The following SNX25 variants were observed in gnomAD, a reference collection of about 807,000 sequenced individuals.
SNX25 encodes the protein sorting nexin 25.
A neutral mutation model predicts 113.7 loss-of-function variants in SNX25; 62 were observed. That is an observed-to-expected ratio of 0.55 (90% CI 0.44 to 0.67). The LOEUF is 0.67. Among genes scored for constraint, SNX25 ranks in the 30% least tolerant of loss-of-function variants. The probability of loss-of-function intolerance (pLI) is 0.00; values close to 1 mark genes in which losing one functional copy is unlikely to be tolerated. For missense variants in SNX25, 1,014 were observed against 1,161.0 expected, an observed-to-expected ratio of 0.87 and a Z score of 1.84; for synonymous variants, 421 against 436.2, an observed-to-expected ratio of 0.97 and a Z score of 0.43.
intron 3 of SNX25, among the ~76,000 whole-genome samples, chr4:185,262,229 T>C (rs1283619175): frequency 3.3e-5 from 5 of 152,230 alleles, no homozygotes; most frequent in African/African-American, 1.2e-4. Flanking sequence ...CCGGTCAGCC[T>C]GTGTTTATTT....
In SNX25 at chr4:185,298,093, C is replaced by CTTTTT. The variant is rs6148841; in HGVS notation, c.1162+10020_1162+10024dup. 1.7e-4 allele frequency among the ~76,000 whole-genome samples: 24 copies of CTTTTT among 137,158 alleles called. 2 individuals carry two copies. Among genetic ancestry groups the CTTTTT allele is most frequent in the Non-Finnish European group, 2.3e-4 (15 of 64,700 alleles). 90.0% of individuals were successfully genotyped at this position (137,158 alleles called of 152,430 possible). A position where few individuals can be genotyped will look rare whatever the true frequency, so the allele number is the denominator to read the frequency against. On this transcript the variant is annotated intron_variant, in intron 6 of 18. Coordinates refer to ENST00000652585, the MANE Select transcript of SNX25 (RefSeq NM_001378034.2). ...GCCCTCTTAACTATTATAGTAACTT[C>CTTTTT]TTTTTTTTTTTTTGAGATGGAGTCT...
At chr4:185,215,004 G>T (rs575016607) in intron 1 of SNX25, among the ~76,000 whole-genome samples, 1 of 152,306 alleles carries the variant, frequency 6.6e-6, no homozygotes, top group Admixed American at 6.5e-5. Flanking sequence ...GCTGAGGCGG[G>T]TGGATCACGA....
rs1008649112 is a variant in SNX25, at chr4:185,298,482, T to TA, written c.1162+10407dup. Among the ~76,000 whole-genome samples, 9 of 152,212 alleles carry TA rather than the reference T, an allele frequency of 5.9e-5. No homozygotes were observed. In the South Asian group the frequency reaches 1.7e-3, roughly 28 times the overall value. Reference sequence around the variant, plus strand: ...CATACTGAAGTCATGTGATTTTTTTTAAAAAAATACATAGCTTATGTCACC... The same window carrying TA: ...CATACTGAAGTCATGTGATTTTTTTTAAAAAAAATACATAGCTTATGTCACC... On this transcript the variant is annotated intron_variant, in intron 6 of 18. Transcript: ENST00000652585.
chr4:185,366,581 G>A (rs541298590), downstream of SNX25: 1 of 152,200 alleles, frequency 6.6e-6, no homozygotes, highest in East Asian at 1.9e-4. Context: ...AAGGCTTAGT[G>A]CAGTTTTAGC....
Position 185,332,619 on chromosome 4 carries a change from G to A in SNX25, c.1774G>A (p.Glu592Lys), listed in dbSNP as rs769042633. The A allele has an allele frequency of 6.2e-7, 1 of 1,613,500 alleles. No individual in the cohort carries two copies. The highest frequency in any genetic ancestry group is 8.5e-7 in the Non-Finnish European group (1 of 1,179,660). Residue 592 changes from glutamate to lysine, a missense_variant, in exon 10 of 19, where the codon GAA becomes AAA. Glu to Lys is a moderately conservative substitution (Grantham distance 56, BLOSUM62 1). Coordinates refer to ENST00000652585, the MANE Select transcript of SNX25 (RefSeq NM_001378034.2). ...GGGCCCAAGAGATGAGGCTGGTGAG[G>A]AAGCCGTGGATGATGGTACCAATCA... Reference protein sequence around the residue: ...EMGPRDEAGEEAVDDGTNQIN... With the variant: ...EMGPRDEAGEKAVDDGTNQIN...
chr4:185,301,044 A>G (rs190787820), intron 6 of SNX25, among the ~76,000 whole-genome samples: 101 of 152,188 alleles, frequency 6.6e-4, no homozygotes, highest in African/African-American at 2.3e-3. Flanking sequence ...CTGTCATCTG[A>G]CTATGGGTCA....
intron 16 of SNX25, among the ~76,000 whole-genome samples, 170 bp from the exon 17 acceptor site, chr4:185,361,754 T>A (rs1189969784): frequency 6.6e-6 from 1 of 152,022 alleles, no homozygotes; most frequent in African/African-American, 2.4e-5. Flanking sequence ...TAATAATAAT[T>A]AAAAATATAT....
At chr4:185,342,213 G>C in intron 12 of SNX25, 97 bp downstream of exon 12, 1 of 1,334,616 alleles carries the variant, frequency 7.5e-7, no homozygotes, top group Non-Finnish European at 9.9e-7. Context: ...TTCCTTTGCT[G>C]TTGATACTGG....
chr4:185,350,762 T>C (rs574858904), intron 13 of SNX25, among the ~76,000 whole-genome samples: 1 of 152,248 alleles, frequency 6.6e-6, no homozygotes, highest in African/African-American at 2.4e-5. Flanking sequence ...CTTGGGAGGC[T>C]GAGGCAGGAG....
rs1419410933 is a variant in SNX25, at chr4:185,332,595, G to A, written c.1750G>A (p.Gly584Ser). 1.9e-6 allele frequency: 3 copies of A among 1,609,522 alleles called. No homozygotes were observed. Among genetic ancestry groups the A allele is most frequent in the Non-Finnish European group, 2.5e-6 (3 of 1,177,504 alleles). Residue 584 changes from glycine to serine, a missense_variant and splice_region_variant, in exon 10 of 19, where the codon GGC (glycine) becomes AGC (serine). Transcript: ENST00000652585. ...TGGTGGTATGTGACTCTCCCCCTAG[G>A]GCCCAAGAGATGAGGCTGGTGAGGA... ...SQMISNKDEM[G>S]PRDEAGEEAV...
At chr4:185,297,804 T>C (rs921240991) in intron 6 of SNX25, among the ~76,000 whole-genome samples, 12 of 151,788 alleles carry the variant, frequency 7.9e-5, no homozygotes, top group African/African-American at 2.7e-4. Context: ...ATGGGGCTTC[T>C]ACCTTCATCA....
chr4:185,216,234 A>G (rs963118893), intron 1 of SNX25, among the ~76,000 whole-genome samples: 1 of 152,230 alleles, frequency 6.6e-6, no homozygotes, highest in South Asian at 2.1e-4. Flanking sequence ...TGTTTATTCC[A>G]GATATATTTG....
At chr4:185,316,527 C>T (rs563375508) in intron 7 of SNX25, among the ~76,000 whole-genome samples, 1 of 152,120 alleles carries the variant, frequency 6.6e-6, no homozygotes, top group East Asian at 1.9e-4. Context: ...GTAGCACCCC[C>T]CACACCAGTG....
intron 1 of SNX25, among the ~76,000 whole-genome samples, chr4:185,235,769 C>T (rs1007440511): frequency 6.6e-6 from 1 of 152,174 alleles, no homozygotes; most frequent in African/African-American, 2.4e-5. Context: ...GATTGGTGTA[C>T]ACACCCGTAG....
chr4:185,358,436 A>G (rs2126754881), intron 16 of SNX25, among the ~76,000 whole-genome samples: 1 of 152,378 alleles, frequency 6.6e-6, no homozygotes, highest in African/African-American at 2.4e-5. Flanking sequence ...GAACTCAATT[A>G]ATATAGTCAA....
chr4:185,204,403 T>C (rs1487721235), exon 1 of SNX25: 1 of 152,218 alleles, frequency 6.6e-6, no homozygotes, highest in African/African-American at 2.4e-5. Flanking sequence ...TTCATACCAC[T>C]AGTTAGTTCT....
chr4:185,289,661 A>G (rs368615260), intron 6 of SNX25, among the ~76,000 whole-genome samples: 60 of 152,302 alleles, frequency 3.9e-4, no homozygotes, highest in African/African-American at 1.3e-3. Context: ...AATTCCTGCA[A>G]GAGTGTGGAC....
intron 1 of SNX25, among the ~76,000 whole-genome samples, chr4:185,215,813 A>G (rs551741241): frequency 2.0e-5 from 3 of 150,356 alleles, no homozygotes; most frequent in East Asian, 3.9e-4. Flanking sequence ...TTTTTGATAC[A>G]GGATCTGGCT....
chr4:185,283,246 T>TTTA (rs1417232668), intron 5 of SNX25, among the ~76,000 whole-genome samples: 2 of 151,878 alleles, frequency 1.3e-5, no homozygotes, highest in Admixed American at 1.3e-4. Flanking sequence ...GGAAGTGGAG[T>TTTA]GTAAAGCACC....
Sources: allele counts gnomAD v4.1 joint callset (sites outside exome capture counted in the v4.1 genomes callset), GRCh38; gene constraint gnomAD v4.1.1; transcripts MANE v1.5; gene names NCBI Gene and HGNC (gene_info 2026-07-23, HGNC 2026-07-21).